The following RERG variants were observed in gnomAD, a reference collection of about 807,000 sequenced individuals.
RERG encodes the protein ras-related and estrogen-regulated growth inhibitor.
RERG carries 25 observed loss-of-function variants against 23.2 expected under a neutral mutation model. The observed-to-expected ratio is 1.08, with a 90% CI of 0.79 to 1.50. RERG has a LOEUF of 1.50. Among genes scored for constraint, RERG ranks in the 40% most tolerant of loss-of-function variants. RERG has a pLI of 0.00. For synonymous variants in RERG, 81 were observed against 89.1 expected, an observed-to-expected ratio of 0.91 and a Z score of 0.51; for missense variants, 253 against 250.1, an observed-to-expected ratio of 1.01 and a Z score of -0.08.
intron 4 of RERG, among the ~76,000 whole-genome samples, chr12:15,110,542 G>T (rs1863593622): frequency 7.3e-6 from 1 of 137,270 alleles, no homozygotes; most frequent in South Asian, 2.4e-4. Flanking sequence ...GCAGTGGCGC[G>T]ATCTTGGCTC....
At position 15,190,523 on chromosome 12, in the gene RERG, C is replaced by A. The variant is rs929136843; in HGVS notation, c.61+26906G>T. The stretch of plus-strand genomic sequence containing the variant: ...TGTACACAACATAGTTCTAGGTTGA[C>A]CCAAAGATGGCAAAGATGCTCCTTG... On this transcript the variant is annotated intron_variant, in intron 2 of 4. Coordinates refer to ENST00000256953, the MANE Select transcript of RERG (RefSeq NM_032918.3). Among the ~76,000 whole-genome samples the A allele has an allele frequency of 2.0e-5, 3 of 152,154 alleles. No individual in the cohort carries two copies. The East Asian group carries it at 5.8e-4, about 29-fold the overall frequency.
At chr12:15,166,466 T>C (rs528830891) in intron 2 of RERG, among the ~76,000 whole-genome samples, 3 of 151,694 alleles carry the variant, frequency 2.0e-5, no homozygotes, top group Non-Finnish European at 4.4e-5. Context: ...TTCAGTCTCA[T>C]GATAATTGAT....
chr12:15,182,348 G>A (rs990563463), intron 2 of RERG, among the ~76,000 whole-genome samples: 5 of 151,980 alleles, frequency 3.3e-5, no homozygotes, highest in South Asian at 2.1e-4. Context: ...GTTAGCCACC[G>A]TGCCCGGCCC....
intron 2 of RERG, among the ~76,000 whole-genome samples, chr12:15,200,639 C>G (rs1275931520): frequency 6.6e-6 from 1 of 151,930 alleles, no homozygotes; most frequent in Non-Finnish European, 1.5e-5. Context: ...ATTTGATTCA[C>G]AAGAACATCT....
intron 2 of RERG, among the ~76,000 whole-genome samples, chr12:15,156,855 T>A (rs1351436785): frequency 6.6e-6 from 1 of 152,166 alleles, no homozygotes; most frequent in Non-Finnish European, 1.5e-5. Context: ...GTTATTTACT[T>A]CTCTAAACCT....
intron 2 of RERG, 154 bp downstream of exon 2, chr12:15,217,275 A>C (rs760357062): frequency 8.0e-6 from 5 of 623,376 alleles, no homozygotes; most frequent in African/African-American, 3.7e-5. Context: ...ATTACGCAAA[A>C]TAAAAGTTCT....
At chr12:15,110,470 T>C (rs527287079) in intron 4 of RERG, among the ~76,000 whole-genome samples, 178 of 71,330 alleles carry the variant, frequency 2.5e-3, no homozygotes, top group African/African-American at 2.8e-3. Context: ...TTTCTTTTTT[T>C]TTTTTTTTTT....
At chr12:15,142,342 A>C (rs1410894134) in intron 2 of RERG, among the ~76,000 whole-genome samples, 1 of 152,178 alleles carries the variant, frequency 6.6e-6, no homozygotes, top group Admixed American at 6.5e-5. Flanking sequence ...ATTTCTTAGT[A>C]AATTGTCAGA....
chr12:15,139,686 ATTAC>A (rs1279352187), intron 2 of RERG, among the ~76,000 whole-genome samples: 1 of 152,262 alleles, frequency 6.6e-6, no homozygotes, highest in African/African-American at 2.4e-5. Context: ...ATTTGATATA[ATTAC>A]TTATTAATTC....
At chr12:15,205,164 A>C (rs1289337957) in intron 2 of RERG, among the ~76,000 whole-genome samples, 1 of 151,978 alleles carries the variant, frequency 6.6e-6, no homozygotes, top group African/African-American at 2.4e-5. Context: ...GCTGATTTTG[A>C]ATTGTAAGTT....
At chr12:15,200,885 C>G (rs1865206473) in intron 2 of RERG, among the ~76,000 whole-genome samples, 1 of 151,892 alleles carries the variant, frequency 6.6e-6, no homozygotes, top group South Asian at 2.1e-4. Context: ...GGATATTTGA[C>G]ACGCTTCGCA....
rs570539306 is a variant in RERG at position 15,107,880 on chromosome 12, C to T, written c.*1230G>A. ...TGCATTGGTGAATTAATGCCGCTAA[C>T]GCTTACAAATTTTTATACATATATC... On this transcript the variant is annotated 3_prime_UTR_variant, in exon 5 of 5. Coordinates refer to ENST00000256953, the MANE Select transcript of RERG (RefSeq NM_032918.3). 2.2e-4 allele frequency: 33 copies of T among 152,592 alleles called. No homozygotes were observed. The highest frequency in any genetic ancestry group is 6.0e-4 in the African/African-American group (25 of 41,530). The allele number at this position is 152,592 out of a possible 1,614,324, so 9.5% of individuals were successfully genotyped here.
At chr12:15,127,902 A>G (rs1863975649) in intron 2 of RERG, among the ~76,000 whole-genome samples, 1 of 152,190 alleles carries the variant, frequency 6.6e-6, no homozygotes, top group Admixed American at 6.5e-5. Context: ...AAAACCCTTA[A>G]AAGTAGAAAT....
intron 2 of RERG, among the ~76,000 whole-genome samples, chr12:15,172,086 T>C (rs1175979694): frequency 3.3e-5 from 5 of 152,150 alleles, no homozygotes; most frequent in Non-Finnish European, 7.4e-5. Flanking sequence ...AATTTTAGAA[T>C]ATTTTCATCA....
rs144150070 is a variant in RERG at position 15,117,078 on chromosome 12, G to A, written c.118+3985C>T. ...TTTAATAACTAGAAGCATATTTTAT[G>A]TAGTCAAAGAGGAGTTGGTGCTCAA... On this transcript the variant is annotated intron_variant, in intron 3 of 4. Transcript: ENST00000256953. 6.7e-4 allele frequency among the ~76,000 whole-genome samples: 101 copies of A among 151,168 alleles called. 2 individuals are homozygous for A. Among genetic ancestry groups the A allele is most frequent in the African/African-American group, 2.2e-3 (92 of 41,228 alleles).
chr12:15,108,796 T>G lies in RERG; in HGVS notation c.*314A>C, dbSNP rs1190870988. The G allele has an allele frequency of 2.5e-5, 6 of 235,620 alleles. No homozygotes were observed. In the East Asian group the frequency reaches 4.2e-4, roughly 17 times the overall value. The allele number at this position is 235,620 out of a possible 1,614,324, so 14.6% of individuals were successfully genotyped here. On this transcript the variant is annotated 3_prime_UTR_variant, in exon 5 of 5. Transcript: ENST00000256953. ...AATTTTTAAATGCCTTTGCAAAAAC[T>G]TCAACCTACTTAAAGCAAGGTGAAG...
chr12:15,215,453 G>A (rs1321666948), intron 2 of RERG, among the ~76,000 whole-genome samples: 1 of 152,170 alleles, frequency 6.6e-6, no homozygotes, highest in Non-Finnish European at 1.5e-5. Context: ...GCCTGGGAAG[G>A]AAGGAATTTC....
At chr12:15,172,832 CT>C (rs1864795242) in intron 2 of RERG, among the ~76,000 whole-genome samples, 1 of 151,962 alleles carries the variant, frequency 6.6e-6, no homozygotes, top group Non-Finnish European at 1.5e-5. Context: ...GGTTATTCAT[CT>C]TTTCATTATG....
At chr12:15,211,284 T>TATAC (rs1461195104) in intron 2 of RERG, among the ~76,000 whole-genome samples, 1 of 142,778 alleles carries the variant, frequency 7.0e-6, no homozygotes. Flanking sequence ...TGTCATTTTA[T>TATAC]ACACACACAC....
Sources: allele counts gnomAD v4.1 joint callset (sites outside exome capture counted in the v4.1 genomes callset), GRCh38; gene constraint gnomAD v4.1.1; transcripts MANE v1.5; gene names NCBI Gene and HGNC (gene_info 2026-07-23, HGNC 2026-07-21).